Variants in DLGAP1 observed in about 807,000 individuals in gnomAD.
The protein encoded by DLGAP1 is DLG associated protein 1, also known as disks large-associated protein 1.
A neutral mutation model predicts 90.8 loss-of-function variants in DLGAP1; 11 were observed. The observed-to-expected ratio is 0.12, with a 90% CI of 0.08 to 0.20. DLGAP1 has a LOEUF of 0.20. Among genes scored for constraint, DLGAP1 ranks in the 10% least tolerant of loss-of-function variants. The pLI, the probability that DLGAP1 is intolerant of heterozygous loss-of-function variation, is 1.00. For missense variants in DLGAP1, 1,050 were observed against 1,333.8 expected (o/e 0.79, Z 3.31); for synonymous variants, 558 against 540.7 (o/e 1.03, Z -0.44).
chr18:3,664,415 G>T (rs1183477494), intron 7 of DLGAP1, among the ~76,000 whole-genome samples: 2 of 152,192 alleles, frequency 1.3e-5, no homozygotes, highest in Non-Finnish European at 2.9e-5. Flanking sequence ...AGCAACAGAT[G>T]ACAGACATAG....
At chr18:3,700,497 T>C (rs2061244903) in intron 7 of DLGAP1, among the ~76,000 whole-genome samples, 1 of 152,192 alleles carries the variant, frequency 6.6e-6, no homozygotes, top group African/African-American at 2.4e-5. Context: ...GTACCTCAGC[T>C]GGAAATGCAG....
intron 10 of DLGAP1, among the ~76,000 whole-genome samples, chr18:3,519,441 C>T (rs1027145371): frequency 6.6e-6 from 1 of 152,200 alleles, no homozygotes. Context: ...ACTCTAATTT[C>T]CTGAATCTTA....
intron 1 of DLGAP1, among the ~76,000 whole-genome samples, chr18:4,211,949 A>T (rs959304441): frequency 6.6e-6 from 1 of 152,156 alleles, no homozygotes; most frequent in Admixed American, 6.5e-5. Flanking sequence ...AGCTTTTCAT[A>T]TGTTCAGCAG....
At chr18:3,512,564 C>T (rs374220398) in intron 10 of DLGAP1, among the ~76,000 whole-genome samples, 1 of 152,204 alleles carries the variant, frequency 6.6e-6, no homozygotes, top group South Asian at 2.1e-4. Context: ...TCAGGAGGAA[C>T]TTTTGGGAGG....
chr18:3,880,962 AAAAAAG>A (rs1568276676), intron 3 of DLGAP1, among the ~76,000 whole-genome samples: 10 of 150,616 alleles, frequency 6.6e-5, no homozygotes, highest in African/African-American at 2.2e-4. Flanking sequence ...AAAAAAAAAA[AAAAAAG>A]AAAAAGAAAA....
Position 3,580,861 on chromosome 18 carries a change from T to C in DLGAP1, c.1965+1014A>G, listed in dbSNP as rs2055460419. On this transcript the variant is annotated intron_variant, in intron 8 of 12. Coordinates refer to ENST00000315677, the MANE Select transcript of DLGAP1 (RefSeq NM_004746.4). ...AAAGGCTCTGCCCCCGGGGTGAGTGTGGCCGGTTGTACCCTGCAGTAGCGT... is the reference window on the plus strand; with the variant it reads ...AAAGGCTCTGCCCCCGGGGTGAGTGCGGCCGGTTGTACCCTGCAGTAGCGT... 6.9e-6 allele frequency: 8 copies of C among 1,167,510 alleles called. No individual in the cohort carries two copies. The East Asian group carries it at 2.0e-4, about 30-fold the overall frequency. The allele number at this position is 1,167,510 out of a possible 1,614,324, so 72.3% of individuals were successfully genotyped here. A position where few individuals can be genotyped will look rare whatever the true frequency, so the allele number is the denominator to read the frequency against.
intron 10 of DLGAP1, among the ~76,000 whole-genome samples, chr18:3,510,331 CAGTA>C (rs1275840596): frequency 1.3e-5 from 2 of 152,216 alleles, no homozygotes; most frequent in Admixed American, 1.3e-4. Flanking sequence ...GTTGGATTTA[CAGTA>C]AGTACTTAAT....
intron 1 of DLGAP1, among the ~76,000 whole-genome samples, chr18:4,340,673 A>G (rs1446388651): frequency 6.6e-6 from 1 of 152,126 alleles, no homozygotes; most frequent in Non-Finnish European, 1.5e-5. Flanking sequence ...GTTGCCTAAA[A>G]TCACAGTTAG....
chr18:3,626,310 AAG>A (rs1231951507), intron 7 of DLGAP1, among the ~76,000 whole-genome samples: 2 of 151,358 alleles, frequency 1.3e-5, no homozygotes, highest in Non-Finnish European at 1.5e-5. Flanking sequence ...AAAAAAAAAA[AAG>A]ATCAGGAATG....
intron 1 of DLGAP1, among the ~76,000 whole-genome samples, chr18:4,282,034 A>T (rs1357504865): frequency 1.3e-5 from 2 of 152,160 alleles, no homozygotes; most frequent in Non-Finnish European, 2.9e-5. Context: ...CAATATTCCC[A>T]ATTGTTATCA....
At position 3,677,159 on chromosome 18, in the gene DLGAP1, T is replaced by C. The variant is rs573593197; in HGVS notation, c.1591+51976A>G. 1.4e-4 allele frequency among the ~76,000 whole-genome samples: 22 copies of C among 152,306 alleles called. No individual in the cohort carries two copies. In the East Asian group the frequency reaches 4.3e-3, roughly 29 times the overall value. ...CAAATTTCCCCAGCTTCAAGACTCT[T>C]TATCTCCAGTTCCTCAACCACCAGT... On this transcript the variant is annotated intron_variant, in intron 7 of 12. Coordinates refer to ENST00000315677, the MANE Select transcript of DLGAP1 (RefSeq NM_004746.4).
At chr18:3,833,748 T>C (rs1034758746) in intron 4 of DLGAP1, among the ~76,000 whole-genome samples, 1 of 152,234 alleles carries the variant, frequency 6.6e-6, no homozygotes, top group Non-Finnish European at 1.5e-5. Flanking sequence ...TCTACAAGGA[T>C]ACAATGATTT....
chr18:3,880,210 G>C, intron 3 of DLGAP1, 70 bp from the exon 4 acceptor site: 1 of 751,006 alleles, frequency 1.3e-6, no homozygotes, highest in Non-Finnish European at 2.2e-6. Flanking sequence ...ACTTTACAGG[G>C]TCTTGCTCTG....
chr18:3,590,039 T>A, intron 7 of DLGAP1, among the ~76,000 whole-genome samples: 1 of 152,110 alleles, frequency 6.6e-6, no homozygotes, highest in East Asian at 1.9e-4. Context: ...GCCTCCTGAG[T>A]AGCTGGGATT....
chr18:3,741,843 TTTTC>T (rs2063064473), intron 6 of DLGAP1, among the ~76,000 whole-genome samples: 1 of 148,118 alleles, frequency 6.8e-6, no homozygotes, highest in Non-Finnish European at 1.5e-5. Context: ...TTCTTTTTCT[TTTTC>T]TTTTTTTTTA....
In DLGAP1 at chr18:3,551,675, T is replaced by TC. The variant is rs1568180028; in HGVS notation, c.2057+15814_2057+15815insG. ...CTCTTTGTCTCTTTCCTTCTTTCTT[T>TC]TCCCTCCCCTCCCTCCCTCCCTCCC... On this transcript the variant is annotated intron_variant, in intron 9 of 12. Transcript: ENST00000315677. 2.0e-4 allele frequency among the ~76,000 whole-genome samples: 11 copies of TC among 56,114 alleles called. 2 individuals carry two copies. Among genetic ancestry groups the TC allele is most frequent in the Admixed American group, 3.2e-4 (2 of 6,162 alleles). The allele number at this position is 56,114 out of a possible 152,430, so 36.8% of individuals were successfully genotyped here.
chr18:3,956,433 C>T (rs1345956331), intron 3 of DLGAP1, among the ~76,000 whole-genome samples: 1 of 151,914 alleles, frequency 6.6e-6, no homozygotes, highest in African/African-American at 2.4e-5. Flanking sequence ...ACTGCAAGCT[C>T]CGCCTCCCGG....
chr18:4,269,653 C>T (rs2079229506), intron 1 of DLGAP1, among the ~76,000 whole-genome samples: 1 of 152,068 alleles, frequency 6.6e-6, no homozygotes, highest in African/African-American at 2.4e-5. Context: ...CGCGCCCGGC[C>T]ATATTCTATT....
intron 7 of DLGAP1, among the ~76,000 whole-genome samples, chr18:3,664,763 A>T (rs1397615424): frequency 6.6e-6 from 1 of 152,230 alleles, no homozygotes. Context: ...TTTGATCACC[A>T]GTGAATTCCC....
Sources: gnomAD v4.1 joint callset for allele counts (sites outside exome capture counted in the v4.1 genomes callset) on GRCh38, gnomAD v4.1.1 for gene constraint, MANE v1.5 for transcripts, NCBI Gene and HGNC (gene_info 2026-07-23, HGNC 2026-07-21) for gene names.